The following DPP10 variants were observed in gnomAD, a reference collection of about 807,000 sequenced individuals.
The protein encoded by DPP10 is dipeptidyl peptidase like 10, also known as inactive dipeptidyl peptidase 10.
Under a neutral mutation model 120.9 loss-of-function variants are expected in DPP10, and 33 were observed. The ratio of observed to expected loss-of-function variants is 0.27; its 90% confidence interval spans 0.21 to 0.37. The LOEUF (loss-of-function observed/expected upper bound fraction) is 0.37, where lower values mean the gene tolerates loss of function less well. DPP10 is among the 10% of genes least tolerant of loss of function. DPP10 has a pLI of 1.00. For missense variants in DPP10, 816 were observed against 942.8 expected (o/e 0.87, Z 1.76); for synonymous variants, 337 against 326.1 (o/e 1.03, Z -0.36).
intron 7 of DPP10, among the ~76,000 whole-genome samples, chr2:115,727,046 G>T (rs962587158): frequency 7.9e-5 from 12 of 152,118 alleles, no homozygotes; most frequent in Admixed American, 7.2e-4. Flanking sequence ...TGAAGACATT[G>T]TAAAGCGAAT....
At chr2:115,439,785 G>C (rs1464313256) in intron 3 of DPP10, among the ~76,000 whole-genome samples, 1 of 152,062 alleles carries the variant, frequency 6.6e-6, no homozygotes, top group Non-Finnish European at 1.5e-5. Flanking sequence ...CGGCAAAATA[G>C]AGCTTTTATT....
chr2:115,812,383 A>G (rs910067809), intron 19 of DPP10, among the ~76,000 whole-genome samples: 12 of 152,206 alleles, frequency 7.9e-5, no homozygotes, highest in Non-Finnish European at 1.8e-4. Flanking sequence ...TCCTATGCAT[A>G]CTAGAAATTA....
chr2:115,565,073 A>C (rs1427638429), intron 5 of DPP10, among the ~76,000 whole-genome samples: 1 of 152,198 alleles, frequency 6.6e-6, no homozygotes, highest in Non-Finnish European at 1.5e-5. Flanking sequence ...GTTATATACC[A>C]GAAGCAGAGA....
chr2:115,597,049 G>A (rs184521055), intron 5 of DPP10, among the ~76,000 whole-genome samples: 48 of 152,168 alleles, frequency 3.2e-4, no homozygotes, highest in African/African-American at 1.0e-3. Flanking sequence ...TACATGAGAA[G>A]CAGGCACAGC....
intron 3 of DPP10, among the ~76,000 whole-genome samples, chr2:115,435,288 A>C (rs955673879): frequency 6.6e-6 from 1 of 151,764 alleles, no homozygotes; most frequent in Admixed American, 6.6e-5. Flanking sequence ...TGGCTGTACT[A>C]ATTTACATTC....
intron 1 of DPP10, among the ~76,000 whole-genome samples, chr2:114,524,115 C>CA (rs150717564): frequency 0.01 from 1,525 of 152,238 alleles, 29 homozygotes; most frequent in African/African-American, 0.035. Flanking sequence ...TAACATTCTA[C>CA]AAAAACATTC....
intron 7 of DPP10, among the ~76,000 whole-genome samples, chr2:115,702,020 A>G (rs1167109397): frequency 6.6e-6 from 1 of 152,048 alleles, no homozygotes; most frequent in African/African-American, 2.4e-5. Flanking sequence ...TGCCTATATA[A>G]TCATCAAAAG....
chr2:115,168,271 C>T (rs143540919), intron 1 of DPP10, among the ~76,000 whole-genome samples: 1 of 152,256 alleles, frequency 6.6e-6, no homozygotes, highest in Non-Finnish European at 1.5e-5. Flanking sequence ...ACTTGTGTGT[C>T]CTAACCAAGT....
At chr2:114,572,455 A>C (rs1364807780) in intron 1 of DPP10, among the ~76,000 whole-genome samples, 1 of 152,220 alleles carries the variant, frequency 6.6e-6, no homozygotes, top group Non-Finnish European at 1.5e-5. Context: ...TAATTCCTCA[A>C]AATCTCAGAG....
At chr2:114,535,925 A>G (rs942676948) in intron 1 of DPP10, among the ~76,000 whole-genome samples, 2 of 152,116 alleles carry the variant, frequency 1.3e-5, no homozygotes, top group Non-Finnish European at 2.9e-5. Flanking sequence ...GTGTGTATCC[A>G]TGGCAGACTC....
chr2:115,331,331 A>G (rs1028312767), intron 2 of DPP10, among the ~76,000 whole-genome samples: 7 of 152,182 alleles, frequency 4.6e-5, no homozygotes, highest in Non-Finnish European at 1.0e-4. Context: ...GGCTGAGACG[A>G]TGGGGTTTTC....
chr2:114,701,366 T>C (rs1345839814), intron 1 of DPP10, among the ~76,000 whole-genome samples: 1 of 152,116 alleles, frequency 6.6e-6, no homozygotes, highest in Non-Finnish European at 1.5e-5. Context: ...CATGTCACAC[T>C]ATCTGTTCAT....
At chr2:115,068,543 C>G (rs1707114255) in intron 1 of DPP10, among the ~76,000 whole-genome samples, 1 of 152,066 alleles carries the variant, frequency 6.6e-6, no homozygotes. Context: ...CTAATTATTT[C>G]CTTTGTTATA....
chr2:115,284,888 A>G (rs1295233144), intron 1 of DPP10, among the ~76,000 whole-genome samples: 1 of 152,018 alleles, frequency 6.6e-6, no homozygotes, highest in Non-Finnish European at 1.5e-5. Context: ...CTTCAAAATT[A>G]CAATTATTTC....
intron 5 of DPP10, chr2:115,579,650 A>C (rs1320827154): frequency 1.3e-5 from 2 of 152,226 alleles, no homozygotes; most frequent in African/African-American, 4.8e-5. Flanking sequence ...TCAAATTGAC[A>C]GATAATATTT....
intron 5 of DPP10, among the ~76,000 whole-genome samples, chr2:115,687,876 G>A (rs940244740): frequency 6.6e-6 from 1 of 152,032 alleles, no homozygotes; most frequent in African/African-American, 2.4e-5. Flanking sequence ...CTCTTTAGAT[G>A]TGTGCCTAAA....
Position 114,963,072 on chromosome 2 carries a change from C to A in DPP10, c.61-346167C>A, listed in dbSNP as rs1189425944. On this transcript the variant is annotated intron_variant, in intron 1 of 25. Transcript: ENST00000410059. ...AACAATCACAGCATTTAAAAATATT[C>A]TTAAGCATAGTATTTTTAAACAAAA... 3.3e-5 allele frequency among the ~76,000 whole-genome samples: 5 copies of A among 152,264 alleles called. No homozygotes were observed. The East Asian group carries it at 9.7e-4, about 29-fold the overall frequency.
chr2:114,807,735 A>C lies in DPP10; in HGVS notation c.60+364897A>C, dbSNP rs557236254. 2.1e-4 allele frequency among the ~76,000 whole-genome samples: 32 copies of C among 152,256 alleles called. 1 individual carries two copies. Among genetic ancestry groups the C allele is most frequent in the African/African-American group, 7.7e-4 (32 of 41,556 alleles). ...GTTCTCTGTTGCTATGTAACAAACC[A>C]CTCCTAACTGGCACAGAAAGAACTG... On this transcript the variant is annotated intron_variant, in intron 1 of 25. Coordinates refer to ENST00000410059, the MANE Select transcript of DPP10 (RefSeq NM_020868.6).
chr2:115,708,008 A>C (rs778076285), intron 7 of DPP10, among the ~76,000 whole-genome samples: 70 of 152,024 alleles, frequency 4.6e-4, no homozygotes, highest in Non-Finnish European at 8.8e-4. Flanking sequence ...ATGGATATAG[A>C]TATAGATGCA....
Sources: gnomAD v4.1 joint callset for allele counts (sites outside exome capture counted in the v4.1 genomes callset) on GRCh38, gnomAD v4.1.1 for gene constraint, MANE v1.5 for transcripts, NCBI Gene and HGNC (gene_info 2026-07-23, HGNC 2026-07-21) for gene names.